The following ATAD2 variants were observed in gnomAD, a reference collection of about 807,000 sequenced individuals.
ATAD2 encodes ATPase family AAA domain-containing protein 2.
A neutral mutation model predicts 168.9 loss-of-function variants in ATAD2; 62 were observed. The ratio of observed to expected loss-of-function variants is 0.37; its 90% confidence interval spans 0.30 to 0.45. The LOEUF (loss-of-function observed/expected upper bound fraction) is 0.45, where lower values mean the gene tolerates loss of function less well. Among genes scored for constraint, ATAD2 ranks in the 20% least tolerant of loss-of-function variants. The probability of loss-of-function intolerance (pLI) is 1.00; values close to 1 mark genes in which losing one functional copy is unlikely to be tolerated. For missense variants in ATAD2, 1,419 were observed against 1,667.8 expected, an observed-to-expected ratio of 0.85 and a Z score of 2.60; for synonymous variants, 613 against 571.6, an observed-to-expected ratio of 1.07 and a Z score of -1.03.
At position 123,329,702 on chromosome 8, in the gene ATAD2, A is replaced by T. The variant is rs564849412; in HGVS notation, c.3479-1123T>A. 2.0e-5 allele frequency among the ~76,000 whole-genome samples: 3 copies of T among 147,692 alleles called. No individual in the cohort carries two copies. In the South Asian group the frequency reaches 6.4e-4, roughly 32 times the overall value. On this transcript the variant is annotated intron_variant, in intron 24 of 27. Coordinates refer to ENST00000287394, the MANE Select transcript of ATAD2 (RefSeq NM_014109.4). ...GGGAGGCGGAGCTTGCAGTGAATCG[A>T]GATCATGCCACTGCACTCTAGCTTG...
intron 1 of ATAD2, among the ~76,000 whole-genome samples, chr8:123,403,110 G>A (rs1228766103): frequency 6.6e-6 from 1 of 152,168 alleles, no homozygotes; most frequent in Non-Finnish European, 1.5e-5. Flanking sequence ...GTTGTTTTGA[G>A]AAAGGGTCTC....
At chr8:123,359,710 C>T (rs1029627271) in intron 9 of ATAD2, 25 bp from the exon 10 acceptor site, 1 of 1,515,222 alleles carries the variant, frequency 6.6e-7, no homozygotes, top group Non-Finnish European at 9.1e-7. Flanking sequence ...TTTTTAAAAC[C>T]ACACAAACCC....
At position 123,369,976 on chromosome 8, in the gene ATAD2, T is replaced by TCTTCAC; in HGVS notation, c.770_775dup (p.Gly257_Glu258dup). On this transcript the variant is annotated inframe_insertion, in exon 7 of 28. Coordinates refer to ENST00000287394, the MANE Select transcript of ATAD2 (RefSeq NM_014109.4). ...ATCATCATCATCTTCATCATCTTCA[T>TCTTCAC]CTTCACCATCATCTTCATGTTCTTG... The TCTTCAC allele has an allele frequency of 6.3e-7, 1 of 1,584,854 alleles. No homozygotes were observed. Among genetic ancestry groups the TCTTCAC allele is most frequent in the Non-Finnish European group, 8.7e-7 (1 of 1,156,016 alleles).
chr8:123,369,905 C>T lies in ATAD2; in HGVS notation c.847G>A (p.Glu283Lys). ...TGATTCTCTTCTTCTCCATCTTCTT[C>T]ATCTTCATCATCTTCATCATCATCA... ...DDDDDEDDED[E>K]EDGEEENQKR... The change falls in exon 7 of 28, where the codon GAA becomes AAA. Residue 283 changes from glutamate to lysine, a missense_variant. Around this residue, in one of 5 missense-constraint regions of ATAD2, gnomAD observed 419 missense variants for 423.5 expected, o/e 0.99. Coordinates refer to ENST00000287394, the MANE Select transcript of ATAD2 (RefSeq NM_014109.4). 6.3e-7 allele frequency: 1 copy of T among 1,578,384 alleles called. No individual in the cohort carries two copies. The highest frequency in any genetic ancestry group is 8.7e-7 in the Non-Finnish European group (1 of 1,155,718).
rs775313486 is a variant in ATAD2 at position 123,380,501 on chromosome 8, GAA to G, written c.320+26_320+27del. The G allele has an allele frequency of 5.0e-6, 8 of 1,606,888 alleles. No individual in the cohort carries two copies. The South Asian group carries it at 7.8e-5, about 16-fold the overall frequency. On this transcript the variant is annotated intron_variant, in intron 2 of 27. Transcript: ENST00000287394. The stretch of plus-strand genomic sequence containing the variant: ...TAAATTACTGCTTTAAAACTATTTT[GAA>G]TTAGTGTTCAACCACCTTGTATTAC...
intron 2 of ATAD2, 88 bp downstream of exon 2, chr8:123,380,441 A>C: frequency 7.5e-7 from 1 of 1,331,886 alleles, no homozygotes; most frequent in African/African-American, 1.5e-5. Context: ...CTTGATGACC[A>C]GTCAAAAATA....
At chr8:123,328,662 A>G (rs1827682126) in intron 24 of ATAD2, 83 bp from the exon 25 acceptor site, 5 of 1,335,318 alleles carry the variant, frequency 3.7e-6, no homozygotes, top group South Asian at 1.7e-5. Flanking sequence ...TGATATATGA[A>G]AGGATAAATA....
chr8:123,359,496 T>C, intron 10 of ATAD2, 81 bp downstream of exon 10: 2 of 1,374,346 alleles, frequency 1.5e-6, no homozygotes, highest in Non-Finnish European at 2.0e-6. Context: ...AAAAGAAAAA[T>C]CATTGGTTCC....
upstream of ATAD2, among the ~76,000 whole-genome samples, chr8:123,397,239 T>TGAA (rs1563869628): frequency 7.5e-5 from 6 of 79,618 alleles, no homozygotes; most frequent in East Asian, 3.0e-4. Flanking sequence ...AGACTCTGTC[T>TGAA]CAAAAAAAAA....
intron 13 of ATAD2, among the ~76,000 whole-genome samples, chr8:123,353,499 G>T (rs1290556164): frequency 6.6e-6 from 1 of 151,870 alleles, no homozygotes; most frequent in East Asian, 1.9e-4. Flanking sequence ...TGCTCAAATT[G>T]TTTCATCTTC....
rs750053831 is a variant in ATAD2, at chr8:123,372,696, A to T, written c.321-10T>A. Reference sequence around the variant, plus strand: ...CTGTCTGGCCAACTGCCTATATTTTAAAAAATTAGATTAATTCAAAATAAT... The same window carrying T: ...CTGTCTGGCCAACTGCCTATATTTTTAAAAATTAGATTAATTCAAAATAAT... On this transcript the variant is annotated splice_polypyrimidine_tract_variant and intron_variant, in intron 2 of 27. Coordinates refer to ENST00000287394, the MANE Select transcript of ATAD2 (RefSeq NM_014109.4). 6 of 1,563,650 alleles carry T rather than the reference A, an allele frequency of 3.8e-6. No homozygotes were observed. The highest frequency in any genetic ancestry group is 2.3e-5 in the East Asian group (1 of 43,932).
chr8:123,322,893 GT>G, intron 27 of ATAD2, 44 bp downstream of exon 27: 1 of 1,577,084 alleles, frequency 6.3e-7, no homozygotes, highest in Non-Finnish European at 8.7e-7. Flanking sequence ...ATATATTAAT[GT>G]GACCACAAGA....
At chr8:123,396,462 C>A, upstream of ATAD2, 1 of 1,270,814 alleles carries the variant, frequency 7.9e-7, no homozygotes, top group South Asian at 1.6e-5. Flanking sequence ...CCACAAGCTC[C>A]GCGCCAGCGG....
chr8:123,356,275 A>G, intron 13 of ATAD2, 114 bp downstream of exon 13: 3 of 812,854 alleles, frequency 3.7e-6, no homozygotes, highest in Non-Finnish European at 5.6e-6. Context: ...ACTACCAAAA[A>G]AAGGAACTAC....
chr8:123,381,368 G>C (rs1030948615), intron 1 of ATAD2, among the ~76,000 whole-genome samples: 1 of 152,122 alleles, frequency 6.6e-6, no homozygotes, highest in African/African-American at 2.4e-5. Context: ...AGGCATGGTG[G>C]AGCACACCTG....
At chr8:123,401,348 G>C (rs543562915), upstream of ATAD2, 1 of 1,402,538 alleles carries the variant, frequency 7.1e-7, no homozygotes, top group African/African-American at 1.4e-5. Flanking sequence ...GACAAATACC[G>C]CCTGGACCTG....
intron 13 of ATAD2, among the ~76,000 whole-genome samples, chr8:123,349,787 C>T (rs1374608957): frequency 1.3e-5 from 2 of 151,744 alleles, no homozygotes; most frequent in Non-Finnish European, 2.9e-5. Context: ...GCCTGTAACC[C>T]CAGAACTTGG....
intron 6 of ATAD2, among the ~76,000 whole-genome samples, 161 bp downstream of exon 6, chr8:123,370,742 T>C (rs1210624928): frequency 6.6e-6 from 1 of 152,104 alleles, no homozygotes; most frequent in African/African-American, 2.4e-5. Flanking sequence ...AAACATACTA[T>C]CCTCTTAAGC....
intron 8 of ATAD2, among the ~76,000 whole-genome samples, chr8:123,362,300 TAA>T (rs58362261): frequency 0.035 from 4,619 of 133,648 alleles, 190 homozygotes; most frequent in African/African-American, 0.11. Flanking sequence ...TGCCTCTATC[TAA>T]AAAAAAAAAA....
Sources: allele counts gnomAD v4.1 joint callset (sites outside exome capture counted in the v4.1 genomes callset), GRCh38; gene constraint gnomAD v4.1.1; regional missense constraint gnomAD v4.1.1; transcripts MANE v1.5; gene names NCBI Gene and HGNC (gene_info 2026-07-23, HGNC 2026-07-21).